Variants in TRPM1 observed in about 807,000 individuals in gnomAD.
TRPM1 encodes transient receptor potential cation channel subfamily M member 1.
Under a neutral mutation model 149.4 loss-of-function variants are expected in TRPM1, and 113 were observed. That is an observed-to-expected ratio of 0.76 (90% CI 0.65 to 0.88). The LOEUF is 0.88. Ranked by LOEUF, TRPM1 falls within the 40% of genes least tolerant of loss-of-function variation. TRPM1 has a pLI of 0.00. For missense variants in TRPM1, 1,976 were observed against 2,038.7 expected (o/e 0.97, Z 0.59); for synonymous variants, 741 against 759.5 (o/e 0.98, Z 0.40).
At position 31,047,885 on chromosome 15, in the gene TRPM1, T is replaced by A; in HGVS notation, c.1623+4A>T. On this transcript the variant is annotated splice_donor_region_variant and intron_variant, in intron 14 of 27. Coordinates refer to ENST00000256552, the MANE Select transcript of TRPM1 (RefSeq NM_001252024.2). ...AGGTAAGAATTGTAAAACAGTAGAC[T>A]GACCTTTTTCACATCCCTCACCAGC... 6.2e-7 allele frequency: 1 copy of A among 1,611,926 alleles called. No individual in the cohort carries two copies. The highest frequency in any genetic ancestry group is 8.5e-7 in the Non-Finnish European group (1 of 1,177,926).
intron 22 of TRPM1, among the ~76,000 whole-genome samples, chr15:31,031,953 C>T (rs1595995806): frequency 6.6e-6 from 1 of 151,186 alleles, no homozygotes; most frequent in African/African-American, 2.4e-5. Flanking sequence ...TGGCCCTGGG[C>T]TCCCTTTGTC....
chr15:31,137,121 C>G (rs1048510224), intron 1 of TRPM1, among the ~76,000 whole-genome samples: 1 of 152,182 alleles, frequency 6.6e-6, no homozygotes, highest in Non-Finnish European at 1.5e-5. Flanking sequence ...GCAGGGCACA[C>G]CACCTTTCGG....
chr15:31,012,094 T>A (rs1409391402), intron 27 of TRPM1, among the ~76,000 whole-genome samples: 1 of 152,222 alleles, frequency 6.6e-6, no homozygotes, highest in Non-Finnish European at 1.5e-5. Context: ...AGATTTGTAA[T>A]GATTGCTTTA....
upstream of TRPM1, among the ~76,000 whole-genome samples, chr15:31,102,208 C>T (rs1191986085): frequency 2.0e-5 from 3 of 152,236 alleles, no homozygotes; most frequent in Non-Finnish European, 4.4e-5. Context: ...ACATGACTCT[C>T]AGCCCCTTCT....
intron 1 of TRPM1, among the ~76,000 whole-genome samples, chr15:31,133,937 G>A (rs2036054332): frequency 6.6e-6 from 1 of 152,134 alleles, no homozygotes; most frequent in African/African-American, 2.4e-5. Flanking sequence ...TGGGAGGGGA[G>A]AAAAAGGGAA....
chr15:31,026,180 C>G lies in TRPM1; in HGVS notation c.3588G>C (p.Gln1196His). The change falls in exon 27 of 28, where the codon CAG (glutamine) becomes CAC (histidine). Residue 1196 changes from glutamine (Q) to histidine (H), a missense_variant. Physicochemically the swap from Gln to His is conservative, Grantham distance 24 (BLOSUM62 0). Coordinates refer to ENST00000256552, the MANE Select transcript of TRPM1 (RefSeq NM_001252024.2). Reference sequence around the variant, plus strand: ...GGATGCGCTCGTCGCTGGACGACTGCTGCTCATCCTCCTTCTCCCGGAAGT... The same window carrying G: ...GGATGCGCTCGTCGCTGGACGACTGGTGCTCATCCTCCTTCTCCCGGAAGT... ...QEHFREKEDEQQSSSDERIRV... is the reference protein window; with the variant it reads ...QEHFREKEDEHQSSSDERIRV... 1 of 1,612,412 alleles carries G rather than the reference C, an allele frequency of 6.2e-7. No individual in the cohort carries two copies. The highest frequency in any genetic ancestry group is 1.7e-5 in the Admixed American group (1 of 60,030).
intron 1 of TRPM1, among the ~76,000 whole-genome samples, chr15:31,100,685 G>T (rs762359227): frequency 6.6e-6 from 1 of 152,106 alleles, no homozygotes; most frequent in South Asian, 2.1e-4. Flanking sequence ...GGCTTTTTCC[G>T]TGAATAGATT....
chr15:31,024,409 T>A (rs898492873), intron 27 of TRPM1, among the ~76,000 whole-genome samples: 1 of 152,182 alleles, frequency 6.6e-6, no homozygotes, highest in African/African-American at 2.4e-5. Context: ...TTCTCCTCTT[T>A]CTGTCTTGGG....
chr15:31,008,551 G>C (rs894213809), intron 27 of TRPM1, among the ~76,000 whole-genome samples: 1 of 152,012 alleles, frequency 6.6e-6, no homozygotes, highest in Non-Finnish European at 1.5e-5. Context: ...CTACCTGATC[G>C]TGGCTAGACT....
intron 1 of TRPM1, among the ~76,000 whole-genome samples, chr15:31,143,740 T>A (rs553591970): frequency 2.1e-4 from 31 of 144,878 alleles, no homozygotes; most frequent in African/African-American, 7.5e-4. Flanking sequence ...GAAAGTAAGT[T>A]TTTTTTTTTT....
chr15:31,006,600 T>C (rs1231835788), intron 27 of TRPM1, among the ~76,000 whole-genome samples: 1 of 152,220 alleles, frequency 6.6e-6, no homozygotes, highest in East Asian at 1.9e-4. Flanking sequence ...TGTGTGAACA[T>C]GTTTTCATTT....
chr15:31,119,857 T>G (rs11854939), intron 1 of TRPM1, among the ~76,000 whole-genome samples: 4,475 of 152,174 alleles, frequency 0.029, 242 homozygotes, highest in African/African-American at 0.1. Context: ...ACTAAAAAGA[T>G]AATTAATATG....
rs1226737903 is a variant in TRPM1, at chr15:31,026,261, A to G, written c.3507T>C (p.Leu1169=). 1 of 1,610,862 alleles carries G rather than the reference A, an allele frequency of 6.2e-7. No individual in the cohort carries two copies. The highest frequency in any genetic ancestry group is 8.5e-7 in the Non-Finnish European group (1 of 1,179,988). ...EERDRGLKLF[L]SDEELKRLHE... ...GCAGCCTCTTTAGCTCCTCGTCGCTAAGGAAGAGCTCTGTGTGAAGGGAGA... is the reference window on the plus strand; with the variant it reads ...GCAGCCTCTTTAGCTCCTCGTCGCTGAGGAAGAGCTCTGTGTGAAGGGAGA... Residue 1169 remains leucine, a synonymous_variant, in exon 27 of 28, where the codon CTT becomes CTC. Coordinates refer to ENST00000256552, the MANE Select transcript of TRPM1 (RefSeq NM_001252024.2).
chr15:31,088,056 G>T (rs985682152), intron 1 of TRPM1, among the ~76,000 whole-genome samples: 6 of 152,244 alleles, frequency 3.9e-5, no homozygotes, highest in Non-Finnish European at 7.3e-5. Context: ...TAGTCCTTGT[G>T]AGAGGTGCAG....
chr15:31,125,004 T>A (rs147192307), intron 1 of TRPM1, among the ~76,000 whole-genome samples: 27 of 152,026 alleles, frequency 1.8e-4, no homozygotes, highest in African/African-American at 6.0e-4. Context: ...TGAAACCCCG[T>A]CTCTTTCAAA....
At chr15:31,119,185 G>A (rs2035842954) in intron 1 of TRPM1, among the ~76,000 whole-genome samples, 1 of 152,010 alleles carries the variant, frequency 6.6e-6, no homozygotes, top group Non-Finnish European at 1.5e-5. Context: ...AGGTTGTGGT[G>A]AGCCAAAATC....
intron 1 of TRPM1, among the ~76,000 whole-genome samples, chr15:31,145,286 T>G (rs2141055812): frequency 6.6e-6 from 1 of 152,316 alleles, no homozygotes; most frequent in South Asian, 2.1e-4. Context: ...GATGCTGACT[T>G]AAAGCTGTGG....
At position 31,136,749 on chromosome 15, in the gene TRPM1, C is replaced by CCTTT. The variant is rs556656172; in HGVS notation, c.54+24156_54+24157insAAAG. Among the ~76,000 whole-genome samples the CCTTT allele has an allele frequency of 4.4e-5, 6 of 137,860 alleles. 2 individuals carry two copies. The highest frequency in any genetic ancestry group is 7.9e-5 in the Non-Finnish European group (5 of 63,568). 90.4% of individuals were successfully genotyped at this position (137,860 alleles called of 152,430 possible). On this transcript the variant is annotated intron_variant, in intron 1 of 26. Coordinates refer to the TRPM1 transcript ENST00000542188. Reference sequence around the variant, plus strand: ...TCTGCTTTCCTCAGCCGCCCCCACCCTTTTTTTTTTTTTTGCCTATAAAGC... The same window carrying CCTTT: ...TCTGCTTTCCTCAGCCGCCCCCACCCCTTTTTTTTTTTTTTTTTGCCTATAAAGC...
At chr15:31,078,710 C>A (rs948776646) in intron 2 of TRPM1, among the ~76,000 whole-genome samples, 1 of 152,188 alleles carries the variant, frequency 6.6e-6, no homozygotes, top group Non-Finnish European at 1.5e-5. Flanking sequence ...ACTTCTCCAG[C>A]GCAAGACAGC....
Sources: allele counts gnomAD v4.1 joint callset (sites outside exome capture counted in the v4.1 genomes callset), GRCh38; gene constraint gnomAD v4.1.1; transcripts MANE v1.5; gene names NCBI Gene and HGNC (gene_info 2026-07-23, HGNC 2026-07-21).